THSD7A: variants seen among roughly 807,000 people sequenced by gnomAD.
The protein encoded by THSD7A is thrombospondin type 1 domain containing 7A.
In THSD7A, 96 loss-of-function variants were observed where a neutral mutation model predicts 231.3. The observed-to-expected ratio is 0.41, with a 90% confidence interval of 0.35 to 0.49. The LOEUF is 0.49. THSD7A is among the 20% of genes least tolerant of loss of function. The pLI is 0.05. For synonymous variants in THSD7A, 940 were observed against 743.3 expected (o/e 1.26, Z -4.30); for missense variants, 2,290 against 2,070.2 (o/e 1.11, Z -2.06).
intron 1 of THSD7A, among the ~76,000 whole-genome samples, chr7:11,641,821 C>T (rs543420588): frequency 6.6e-6 from 1 of 151,884 alleles, no homozygotes; most frequent in African/African-American, 2.4e-5. Context: ...TTTAACTGCC[C>T]TTATCTTTTC....
intron 1 of THSD7A, among the ~76,000 whole-genome samples, chr7:11,717,518 C>T (rs947753323): frequency 4.6e-5 from 7 of 151,620 alleles, no homozygotes; most frequent in African/African-American, 1.7e-4. Flanking sequence ...GGCACAGTGC[C>T]AGAAAGGCCC....
At chr7:11,820,711 G>GCTCT in intron 1 of THSD7A, 1 of 979,604 alleles carries the variant, frequency 1.0e-6, no homozygotes, top group Admixed American at 1.7e-5. Flanking sequence ...AGCCCGTGGA[G>GCTCT]CTCTCCTCTC....
intron 1 of THSD7A, among the ~76,000 whole-genome samples, chr7:11,757,013 G>T (rs1782700884): frequency 6.6e-6 from 1 of 151,612 alleles, no homozygotes; most frequent in African/African-American, 2.4e-5. Flanking sequence ...GTTTCTTAAG[G>T]CCATAGTGTG....
chr7:11,524,290 C>T (rs1478770511), intron 6 of THSD7A, among the ~76,000 whole-genome samples: 1 of 152,058 alleles, frequency 6.6e-6, no homozygotes, highest in Non-Finnish European at 1.5e-5. Context: ...GTATGACAAT[C>T]TTGGCGCACA....
intron 6 of THSD7A, among the ~76,000 whole-genome samples, chr7:11,500,383 G>T (rs1787281324): frequency 1.3e-5 from 2 of 152,104 alleles, no homozygotes; most frequent in South Asian, 2.1e-4. Flanking sequence ...ACAGACCAGG[G>T]TTACTATAAA....
intron 4 of THSD7A, among the ~76,000 whole-genome samples, chr7:11,553,608 T>G (rs1033439870): frequency 2.0e-5 from 3 of 152,078 alleles, no homozygotes; most frequent in Non-Finnish European, 4.4e-5. Flanking sequence ...TAAGAAGACT[T>G]CTTTTTGATT....
chr7:11,732,391 C>T (rs551829241), intron 1 of THSD7A, among the ~76,000 whole-genome samples: 4 of 151,772 alleles, frequency 2.6e-5, no homozygotes, highest in South Asian at 4.1e-4. Flanking sequence ...TACTGCCGGA[C>T]GCATAGTGCA....
chr7:11,635,410 C>A (rs1448202723), intron 2 of THSD7A, among the ~76,000 whole-genome samples: 1 of 152,078 alleles, frequency 6.6e-6, no homozygotes, highest in Non-Finnish European at 1.5e-5. Flanking sequence ...TTCAGATAAT[C>A]CTCAATGAAA....
rs1781889810 is a variant in THSD7A at position 11,735,613 on chromosome 7, A to G, written c.190+96144T>C. 1.3e-5 allele frequency among the ~76,000 whole-genome samples: 2 copies of G among 151,964 alleles called. 1 individual carries two copies. Among genetic ancestry groups the G allele is most frequent in the South Asian group, 4.2e-4 (2 of 4,814 alleles). On this transcript the variant is annotated intron_variant, in intron 1 of 27. Coordinates refer to ENST00000423059, the MANE Select transcript of THSD7A (RefSeq NM_015204.3). ...GAAATTCAAAACATTTCTGGTGATA[A>G]ATATTTTGGATAAAATATACACAAC...
intron 2 of THSD7A, among the ~76,000 whole-genome samples, chr7:11,608,825 A>G (rs1355630023): frequency 6.6e-6 from 1 of 152,036 alleles, no homozygotes; most frequent in Non-Finnish European, 1.5e-5. Flanking sequence ...ATCCAATATA[A>G]TGGTTCCCAA....
At chr7:11,580,830 C>A (rs1193701707) in intron 4 of THSD7A, among the ~76,000 whole-genome samples, 1 of 151,994 alleles carries the variant, frequency 6.6e-6, no homozygotes, top group South Asian at 2.1e-4. Context: ...GTACAACAAA[C>A]CCCCATGACA....
chr7:11,612,960 A>G (rs1244343118), intron 2 of THSD7A, among the ~76,000 whole-genome samples: 1 of 151,754 alleles, frequency 6.6e-6, no homozygotes, highest in African/African-American at 2.4e-5. Flanking sequence ...GGCTACATCA[A>G]CTCTCTTTGT....
At chr7:11,542,912 T>C in intron 5 of THSD7A, 50 bp downstream of exon 5, 1 of 1,554,166 alleles carries the variant, frequency 6.4e-7, no homozygotes, top group Non-Finnish European at 8.7e-7. Flanking sequence ...TAATTCATGA[T>C]TTGATACAAT....
intron 1 of THSD7A, among the ~76,000 whole-genome samples, chr7:11,714,796 G>C (rs552281902): frequency 1.3e-5 from 2 of 151,394 alleles, no homozygotes; most frequent in African/African-American, 4.8e-5. Flanking sequence ...CTCTATTGAT[G>C]TTTCTCTTCC....
intron 6 of THSD7A, among the ~76,000 whole-genome samples, chr7:11,488,610 G>A (rs546462294): frequency 6.6e-6 from 1 of 152,006 alleles, no homozygotes; most frequent in East Asian, 1.9e-4. Context: ...TACAAATCTC[G>A]AATCCATTTT....
intron 1 of THSD7A, among the ~76,000 whole-genome samples, chr7:11,673,479 G>C (rs1174877741): frequency 6.6e-6 from 1 of 152,168 alleles, no homozygotes; most frequent in East Asian, 1.9e-4. Flanking sequence ...CTTGGAAATT[G>C]CAGGGACTGG....
At chr7:11,571,924 G>A (rs1790651476) in intron 4 of THSD7A, among the ~76,000 whole-genome samples, 1 of 151,686 alleles carries the variant, frequency 6.6e-6, no homozygotes, top group South Asian at 2.1e-4. Flanking sequence ...GAGCTTTGTG[G>A]ATCTTTAAGT....
At chr7:11,817,954 T>C (rs1405216501) in intron 1 of THSD7A, among the ~76,000 whole-genome samples, 1 of 152,204 alleles carries the variant, frequency 6.6e-6, no homozygotes, top group Non-Finnish European at 1.5e-5. Flanking sequence ...GCTTCTTTCA[T>C]TCCAAGCTAT....
intron 23 of THSD7A, among the ~76,000 whole-genome samples, chr7:11,387,922 G>A (rs1296883808): frequency 6.6e-6 from 1 of 152,074 alleles, no homozygotes; most frequent in Admixed American, 6.6e-5. Context: ...GCATGAATGG[G>A]TGTTGAATTT....
Sources: gnomAD v4.1 joint callset for allele counts (sites outside exome capture counted in the v4.1 genomes callset) on GRCh38, gnomAD v4.1.1 for gene constraint, MANE v1.5 for transcripts, NCBI Gene and HGNC (gene_info 2026-07-23, HGNC 2026-07-21) for gene names.